Variants in RORA observed in about 807,000 individuals in gnomAD.
RORA encodes RAR related orphan receptor A, also known as nuclear receptor ROR-alpha.
Under a neutral mutation model 69.5 loss-of-function variants are expected in RORA, and 7 were observed. The observed-to-expected ratio is 0.10, with a 90% CI of 0.06 to 0.19. The LOEUF is 0.19. Ranked by LOEUF, RORA falls within the 10% of genes least tolerant of loss-of-function variation. RORA has a pLI of 1.00. For missense variants in RORA, 457 were observed against 663.0 expected (o/e 0.69, Z 3.41); for synonymous variants, 261 against 240.8 (o/e 1.08, Z -0.78).
chr15:60,989,042 ATTC>A (rs1449356181), intron 1 of RORA, among the ~76,000 whole-genome samples: 1 of 152,200 alleles, frequency 6.6e-6, no homozygotes, highest in African/African-American at 2.4e-5. Flanking sequence ...AGGGAAAAGT[ATTC>A]TTATTTTATT....
At chr15:61,198,226 A>G (rs189911219) in intron 1 of RORA, among the ~76,000 whole-genome samples, 5 of 152,204 alleles carry the variant, frequency 3.3e-5, no homozygotes, top group Non-Finnish European at 5.9e-5. Flanking sequence ...AAATAAAGAG[A>G]GCAGCAGTCT....
intron 1 of RORA, among the ~76,000 whole-genome samples, chr15:60,911,845 G>A (rs112482460): frequency 2.7e-5 from 4 of 146,826 alleles, no homozygotes; most frequent in African/African-American, 7.5e-5. Context: ...GATTACAGAC[G>A]TGCACCTGGC....
chr15:61,042,016 G>A lies in RORA; in HGVS notation c.166+187037C>T, dbSNP rs1022116157. ...TAGCAGAGCTGGGGCTGGAACCTGC[G>A]TGATCAGCATCAGACCCTCGTCTCT... is the stretch of plus-strand genomic sequence containing the variant. On this transcript the variant is annotated intron_variant, in intron 1 of 10. Coordinates refer to ENST00000335670, the MANE Select transcript of RORA (RefSeq NM_134261.3). 5.3e-5 allele frequency among the ~76,000 whole-genome samples: 8 copies of A among 152,126 alleles called. No homozygotes were observed. In the East Asian group the frequency reaches 9.6e-4, roughly 18 times the overall value.
intron 2 of RORA, among the ~76,000 whole-genome samples, chr15:60,608,204 T>G (rs1035025340): frequency 2.0e-5 from 3 of 152,242 alleles, no homozygotes; most frequent in Non-Finnish European, 4.4e-5. Context: ...GTCCTAGACA[T>G]GGACGCGGAG....
At chr15:60,851,745 T>C (rs2073327123) in intron 1 of RORA, among the ~76,000 whole-genome samples, 1 of 151,680 alleles carries the variant, frequency 6.6e-6, no homozygotes, top group South Asian at 2.1e-4. Flanking sequence ...TGTGTGTGTA[T>C]GAGTGAGTGG....
At chr15:61,119,089 G>GA (rs1305735775) in intron 1 of RORA, among the ~76,000 whole-genome samples, 2 of 149,520 alleles carry the variant, frequency 1.3e-5, no homozygotes, top group African/African-American at 4.9e-5. Flanking sequence ...GAAGGGGGGG[G>GA]GGGGCGCCAT....
intron 1 of RORA, among the ~76,000 whole-genome samples, chr15:60,749,538 C>T (rs575806877): frequency 5.3e-5 from 8 of 152,170 alleles, no homozygotes; most frequent in East Asian, 3.9e-4. Context: ...TTTAAGTAAC[C>T]CTTACATTAA....
chr15:61,081,372 G>A (rs933517678), intron 1 of RORA, among the ~76,000 whole-genome samples: 1 of 152,170 alleles, frequency 6.6e-6, no homozygotes, highest in African/African-American at 2.4e-5. Flanking sequence ...CTTATAAAAA[G>A]GCAGGAAAGT....
chr15:60,854,627 T>C (rs1027396901), intron 1 of RORA, among the ~76,000 whole-genome samples: 4 of 152,184 alleles, frequency 2.6e-5, no homozygotes, highest in East Asian at 1.9e-4. Flanking sequence ...TAGCAACTTG[T>C]AGCACTTCAG....
chr15:61,070,449 T>G (rs899882464), intron 1 of RORA, among the ~76,000 whole-genome samples: 1 of 152,200 alleles, frequency 6.6e-6, no homozygotes, highest in Non-Finnish European at 1.5e-5. Flanking sequence ...GAACATCTCC[T>G]TAAGAAGTCT....
chr15:60,819,746 G>GAGACACACACACACACAC (rs2072863457), intron 1 of RORA, among the ~76,000 whole-genome samples: 1 of 119,292 alleles, frequency 8.4e-6, no homozygotes, highest in African/African-American at 3.4e-5. Flanking sequence ...GTCAAACCCA[G>GAGACACACACACACACAC]ACACACACAC....
intron 1 of RORA, among the ~76,000 whole-genome samples, chr15:61,075,331 G>T (rs959727119): frequency 6.6e-5 from 10 of 152,074 alleles, no homozygotes; most frequent in African/African-American, 2.4e-4. Flanking sequence ...AGGCAAAAGG[G>T]CATCCCTGCT....
At chr15:61,121,108 C>T (rs2140816383) in intron 1 of RORA, among the ~76,000 whole-genome samples, 1 of 152,204 alleles carries the variant, frequency 6.6e-6, no homozygotes, top group South Asian at 2.1e-4. Flanking sequence ...CCTCAGCCTC[C>T]CAAAGTGCTG....
At chr15:60,556,748 T>C in intron 2 of RORA, 1 of 821,454 alleles carries the variant, frequency 1.2e-6, no homozygotes, top group East Asian at 2.5e-5. Context: ...CTTCATCATT[T>C]TCTGGTTCTG....
intron 1 of RORA, among the ~76,000 whole-genome samples, chr15:60,990,724 C>T (rs1894349080): frequency 6.6e-6 from 1 of 152,110 alleles, no homozygotes; most frequent in Admixed American, 6.5e-5. Context: ...GCCCAAACAC[C>T]CACACCTACA....
chr15:60,972,705 C>T (rs541368265), intron 1 of RORA, among the ~76,000 whole-genome samples: 33 of 152,278 alleles, frequency 2.2e-4, no homozygotes, highest in African/African-American at 7.5e-4. Flanking sequence ...ATCATTTCAA[C>T]TTTTCTAAGC....
At chr15:60,812,256 T>C (rs753670624) in intron 1 of RORA, among the ~76,000 whole-genome samples, 23 of 152,180 alleles carry the variant, frequency 1.5e-4, no homozygotes, top group Admixed American at 2.6e-4. Flanking sequence ...GTAATCCCAT[T>C]ACTTTGGGAG....
chr15:61,083,479 T>A (rs993457670), intron 1 of RORA, among the ~76,000 whole-genome samples: 3 of 152,122 alleles, frequency 2.0e-5, no homozygotes, highest in Admixed American at 2.0e-4. Context: ...CCTCTGAATC[T>A]GAGGCTGAAA....
intron 1 of RORA, among the ~76,000 whole-genome samples, chr15:60,718,591 T>C (rs1319637308): frequency 1.3e-5 from 2 of 152,192 alleles, no homozygotes; most frequent in African/African-American, 2.4e-5. Flanking sequence ...CCTGTCAAAA[T>C]TGTCACCATG....
Sources: gnomAD v4.1 joint callset for allele counts (sites outside exome capture counted in the v4.1 genomes callset) on GRCh38, gnomAD v4.1.1 for gene constraint, MANE v1.5 for transcripts, NCBI Gene and HGNC (gene_info 2026-07-23, HGNC 2026-07-21) for gene names.